FARS2: variants seen among roughly 807,000 people sequenced by gnomAD.
FARS2 encodes phenylalanine--tRNA ligase, mitochondrial.
In FARS2, 40 loss-of-function variants were observed where a neutral mutation model predicts 46.4. The ratio of observed to expected loss-of-function variants is 0.86; its 90% CI spans 0.67 to 1.12. The LOEUF (loss-of-function observed/expected upper bound fraction) is 1.12, where lower values mean the gene tolerates loss of function less well. FARS2 is among the 50% of genes most tolerant of loss of function. The pLI, the probability that FARS2 is intolerant of heterozygous loss-of-function variation, is 0.00. For missense variants in FARS2, 513 were observed against 567.9 expected (o/e 0.90, Z 0.98); for synonymous variants, 234 against 214.9 (o/e 1.09, Z -0.78).
intron 4 of FARS2, among the ~76,000 whole-genome samples, chr6:5,432,344 AT>A (rs1251534646): frequency 1.9e-4 from 6 of 31,712 alleles, no homozygotes; most frequent in African/African-American, 3.5e-4. Context: ...ATATATATAT[AT>A]ATATATTATA....
chr6:5,467,714 G>A (rs188104286), intron 4 of FARS2, among the ~76,000 whole-genome samples: 75 of 152,200 alleles, frequency 4.9e-4, no homozygotes, highest in African/African-American at 1.7e-3. Flanking sequence ...CATCATTACT[G>A]TTCTTATTCT....
intron 4 of FARS2, among the ~76,000 whole-genome samples, chr6:5,446,000 C>A (rs545286663): frequency 1.1e-3 from 167 of 152,214 alleles, no homozygotes; most frequent in African/African-American, 3.8e-3. Flanking sequence ...GAGATCAAGA[C>A]CATCCTGGCT....
intron 4 of FARS2, among the ~76,000 whole-genome samples, chr6:5,523,029 A>G (rs982695401): frequency 3.3e-5 from 5 of 152,212 alleles, no homozygotes; most frequent in African/African-American, 1.2e-4. Context: ...AGTAAAACAT[A>G]GTGATAAGCA....
chr6:5,619,580 G>T (rs575195740), intron 6 of FARS2, among the ~76,000 whole-genome samples: 1 of 152,228 alleles, frequency 6.6e-6, no homozygotes, highest in South Asian at 2.1e-4. Flanking sequence ...CTTCCTCATG[G>T]TTATATTCCC....
rs762348813 is a variant in FARS2 at position 5,404,611 on chromosome 6, C to T, written c.682C>T (p.Gln228Ter). ...FEQSSRSAHK[Q>*]ETHTMEAVKL... ...ACAAAGTTCTCGCTCTGCGCATAAACAAGAGACACACACCATGGAGGCCGT... is the reference window on the plus strand; with the variant it reads ...ACAAAGTTCTCGCTCTGCGCATAAATAAGAGACACACACCATGGAGGCCGT... The change falls in exon 3 of 7, where the codon CAA (glutamine) becomes TAA (stop). Residue 228 changes from glutamine to a stop codon, truncating the protein, a stop_gained. Coordinates refer to ENST00000274680, the MANE Select transcript of FARS2 (RefSeq NM_006567.5). LOFTEE classifies it high-confidence loss of function. The T allele has an allele frequency of 6.2e-7, 1 of 1,613,320 alleles. No individual in the cohort carries two copies. Among genetic ancestry groups the T allele is most frequent in the Non-Finnish European group, 8.5e-7 (1 of 1,179,512 alleles).
intron 6 of FARS2, among the ~76,000 whole-genome samples, chr6:5,616,314 TGATACTA>T (rs944225284): frequency 2.0e-5 from 3 of 152,220 alleles, no homozygotes; most frequent in Non-Finnish European, 4.4e-5. Flanking sequence ...GTTTCCATGT[TGATACTA>T]GAAGTCTAGT....
At chr6:5,559,383 A>G (rs1265117641) in intron 5 of FARS2, among the ~76,000 whole-genome samples, 1 of 152,190 alleles carries the variant, frequency 6.6e-6, no homozygotes, top group Non-Finnish European at 1.5e-5. Flanking sequence ...CAGCCTGGGC[A>G]ACAGAGTGAG....
intron 6 of FARS2, among the ~76,000 whole-genome samples, chr6:5,643,403 A>G (rs1776920273): frequency 6.6e-6 from 1 of 152,198 alleles, no homozygotes; most frequent in Non-Finnish European, 1.5e-5. Flanking sequence ...CGACGAATAT[A>G]AGGAGAAAAA....
chr6:5,597,697 C>T (rs531912361), intron 5 of FARS2, among the ~76,000 whole-genome samples: 1 of 152,158 alleles, frequency 6.6e-6, no homozygotes, highest in Non-Finnish European at 1.5e-5. Context: ...TTCTCCCTAA[C>T]GTGGAGAAAT....
intron 6 of FARS2, among the ~76,000 whole-genome samples, chr6:5,631,717 C>T (rs1776302108): frequency 6.6e-6 from 1 of 152,182 alleles, no homozygotes; most frequent in Admixed American, 6.5e-5. Context: ...ATGTGACCCG[C>T]TTTATGCATT....
At chr6:5,463,018 A>G (rs192656412) in intron 4 of FARS2, among the ~76,000 whole-genome samples, 4 of 152,310 alleles carry the variant, frequency 2.6e-5, no homozygotes, top group Admixed American at 1.3e-4. Context: ...TGCCACAGCT[A>G]TTCAACTCGG....
At chr6:5,315,741 C>CTTTCTTTCTTTCTTTCTTTCTTTCTTT (rs755531154) in intron 1 of FARS2, among the ~76,000 whole-genome samples, 1 of 60,002 alleles carries the variant, frequency 1.7e-5, no homozygotes, top group African/African-American at 4.5e-5. Context: ...TTTCTTTTTT[C>CTTTCTTTCTTTCTTTCTTTCTTTCTTT]CTTTCTTTCT....
chr6:5,404,466 T>C, intron 2 of FARS2, 76 bp from the exon 3 acceptor site: 1 of 978,028 alleles, frequency 1.0e-6, no homozygotes, highest in Non-Finnish European at 1.5e-6. Flanking sequence ...AAAAGATTCT[T>C]AGCAGAATTT....
intron 4 of FARS2, among the ~76,000 whole-genome samples, chr6:5,496,253 A>G (rs897071055): frequency 5.3e-5 from 8 of 152,066 alleles, no homozygotes; most frequent in African/African-American, 1.9e-4. Context: ...TAAGTGCGCC[A>G]TTTGTCACTT....
intron 1 of FARS2, among the ~76,000 whole-genome samples, chr6:5,319,218 C>T (rs1346001646): frequency 6.6e-6 from 1 of 152,144 alleles, no homozygotes; most frequent in African/African-American, 2.4e-5. Context: ...GAAAGGCAGT[C>T]TCCCAATAGA....
At chr6:5,262,373 G>A (rs1462341287) in intron 1 of FARS2, among the ~76,000 whole-genome samples, 1 of 152,102 alleles carries the variant, frequency 6.6e-6, no homozygotes, top group Admixed American at 6.6e-5. Context: ...ATGCCTCCCA[G>A]GTTCAAGCCA....
At chr6:5,255,414 T>A in the FARS2 span, among the ~76,000 whole-genome samples, 2 of 152,140 alleles carry the variant, frequency 1.3e-5, no homozygotes, top group Non-Finnish European at 2.9e-5. Context: ...ATCTGCTGAT[T>A]TAGGGGGAGG....
At chr6:5,623,104 G>C (rs1775856623) in intron 6 of FARS2, among the ~76,000 whole-genome samples, 1 of 152,152 alleles carries the variant, frequency 6.6e-6, no homozygotes, top group Non-Finnish European at 1.5e-5. Context: ...TCTACCACCA[G>C]GAGTAATGTC....
chr6:5,512,843 G>T (rs1768539859), intron 4 of FARS2, among the ~76,000 whole-genome samples: 1 of 152,128 alleles, frequency 6.6e-6, no homozygotes, highest in Non-Finnish European at 1.5e-5. Context: ...GAGAACATAG[G>T]TTGGGGACTG....
Sources: gnomAD v4.1 joint callset for allele counts (sites outside exome capture counted in the v4.1 genomes callset) on GRCh38, gnomAD v4.1.1 for gene constraint, MANE v1.5 for transcripts, NCBI Gene and HGNC (gene_info 2026-07-23, HGNC 2026-07-21) for gene names.